The following ELMOD3 variants were observed in gnomAD, a reference collection of about 807,000 sequenced individuals.
The protein encoded by ELMOD3 is ELMO domain-containing protein 3.
Under a neutral mutation model 47.4 loss-of-function variants are expected in ELMOD3, and 36 were observed. The observed-to-expected ratio is 0.76, with a 90% CI of 0.58 to 1.00. The LOEUF is 1.00. Ranked by LOEUF, ELMOD3 falls within the 50% of genes least tolerant of loss-of-function variation. The pLI is 0.00. For missense variants in ELMOD3, 404 were observed against 463.8 expected, an observed-to-expected ratio of 0.87 and a Z score of 1.18; for synonymous variants, 149 against 183.5, an observed-to-expected ratio of 0.81 and a Z score of 1.52.
intron 7 of ELMOD3, among the ~76,000 whole-genome samples, chr2:85,369,075 G>A (rs934700406): frequency 5.9e-5 from 9 of 152,202 alleles, no homozygotes; most frequent in Non-Finnish European, 1.2e-4. Context: ...GGAGGATGGA[G>A]ATGGGCCCCT....
At chr2:85,390,480 T>G (rs1198220511) in intron 13 of ELMOD3, 7 of 1,613,328 alleles carry the variant, frequency 4.3e-6, no homozygotes, top group Non-Finnish European at 5.9e-6. Flanking sequence ...CTTATACTTA[T>G]GACAAGCATA....
intron 11 of ELMOD3, chr2:85,389,444 G>A (rs1686163879): frequency 2.4e-6 from 1 of 415,052 alleles, no homozygotes; most frequent in South Asian, 2.7e-5. Flanking sequence ...GCCAAGGAGA[G>A]CTGACGGGTC....
chr2:85,365,967 T>C (rs1227547268), intron 6 of ELMOD3, among the ~76,000 whole-genome samples: 1 of 149,770 alleles, frequency 6.7e-6, no homozygotes, highest in African/African-American at 2.5e-5. Context: ...CCCCAGTCCC[T>C]TTTTTTTTGA....
chr2:85,390,685 T>G (rs555796513), intron 13 of ELMOD3, 75 bp from the exon 14 acceptor site: 1 of 1,524,486 alleles, frequency 6.6e-7, no homozygotes, highest in Non-Finnish European at 8.8e-7. Flanking sequence ...CTAGAGCTGC[T>G]AGGCTTGAGG....
At chr2:85,357,887 A>G (rs960770509) in intron 4 of ELMOD3, among the ~76,000 whole-genome samples, 1 of 152,356 alleles carries the variant, frequency 6.6e-6, no homozygotes, top group South Asian at 2.1e-4. Context: ...GTTGTTCAGC[A>G]CAATGAATCA....
chr2:85,390,200 T>A lies in ELMOD3; in HGVS notation c.878T>A (p.Leu293His). 3 of 1,614,198 alleles carry A rather than the reference T, an allele frequency of 1.9e-6. No homozygotes were observed. Among genetic ancestry groups the A allele is most frequent in the Non-Finnish European group, 2.5e-6 (3 of 1,180,036 alleles). ...AACAGCTTCTATGCCGCCACATTCC[T>A]CCACCTCGCACATGTCTGGAGGACA... ...VVNSFYAATFLHLAHVWRTQR... is the reference protein window; with the variant it reads ...VVNSFYAATFHHLAHVWRTQR... The change falls in exon 13 of 14, where the codon CTC (leucine) becomes CAC (histidine). Residue 293 changes from leucine (L) to histidine (H), a missense_variant. Transcript: ENST00000409013.
intron 4 of ELMOD3, among the ~76,000 whole-genome samples, chr2:85,357,821 T>C (rs1573077012): frequency 6.6e-6 from 1 of 152,178 alleles, no homozygotes; most frequent in African/African-American, 2.4e-5. Context: ...GGGGACTGAA[T>C]TGGAGAAGGA....
chr2:85,389,935 C>T lies in ELMOD3; in HGVS notation c.815+108C>T, dbSNP rs56231819. ...ACTCCACCTGCTGGCTCCTGGAGGG[C>T]CTGGACAAAGTCCCCATGCACCGGT... On this transcript the variant is annotated intron_variant, in intron 12 of 13. Coordinates refer to ENST00000409013, the MANE Select transcript of ELMOD3 (RefSeq NM_001135022.2). The T allele has an allele frequency of 0.058, 67,942 of 1,179,966 alleles. 2,329 individuals carry two copies. The highest frequency in any genetic ancestry group is 0.067 in the Non-Finnish European group (53,147 of 792,678). The allele number at this position is 1,179,966 out of a possible 1,614,324, so 73.1% of individuals were successfully genotyped here.
At position 85,390,951 on chromosome 2, in the gene ELMOD3, T is replaced by C; in HGVS notation, c.1135T>C (p.Trp379Arg). The C allele has an allele frequency of 6.4e-7, 1 of 1,550,966 alleles. No homozygotes were observed. The highest frequency in any genetic ancestry group is 1.7e-4 in the Middle Eastern group (1 of 5,988). ...GCAGTCTCACTCATCCGAAGGCGTA[T>C]GGCTGATCTGACCTCCGAGATGAAT... is the stretch of plus-strand genomic sequence containing the variant. ...DLQSHSSEGV[W>R]LI Residue 379 changes from tryptophan to arginine, a missense_variant, in exon 14 of 14, where the codon TGG (tryptophan) becomes CGG (arginine). Transcript: ENST00000409013.
chr2:85,368,867 A>T (rs886081258), intron 7 of ELMOD3, 113 bp downstream of exon 7: 1 of 1,082,314 alleles, frequency 9.2e-7, no homozygotes. Flanking sequence ...AATTCCTGAG[A>T]GTGCTCATTT....
At chr2:85,367,916 CTTT>C (rs1202869090) in intron 6 of ELMOD3, among the ~76,000 whole-genome samples, 6 of 141,300 alleles carry the variant, frequency 4.2e-5, no homozygotes, top group African/African-American at 2.6e-5. Flanking sequence ...CTTTTCTTTT[CTTT>C]TTTTTTTTTT....
At chr2:85,362,366 C>T (rs1011882366) in intron 5 of ELMOD3, 106 bp downstream of exon 5, 8 of 768,928 alleles carry the variant, frequency 1.0e-5, no homozygotes, top group Non-Finnish European at 1.9e-5. Context: ...GTGGCATAGA[C>T]CTTAGCTTCC....
chr2:85,390,320 G>C, intron 13 of ELMOD3, 55 bp downstream of exon 13: 1 of 1,614,142 alleles, frequency 6.2e-7, no homozygotes, highest in South Asian at 1.1e-5. Flanking sequence ...CCCAGGTCCA[G>C]AGAGCCCAAG....
At chr2:85,364,138 C>CTTTTTTTTTTTTTTTTTTTT (rs869156957) in intron 6 of ELMOD3, among the ~76,000 whole-genome samples, 1 of 118,752 alleles carries the variant, frequency 8.4e-6, no homozygotes. Flanking sequence ...AAAAAATACT[C>CTTTTTTTTTTTTTTTTTTTT]TTTTTTTTTT....
chr2:85,375,082 CAA>C (rs777757339), intron 10 of ELMOD3, among the ~76,000 whole-genome samples: 2 of 135,112 alleles, frequency 1.5e-5, no homozygotes. Context: ...GATTCCATCT[CAA>C]AAAAAAAAAA....
intron 6 of ELMOD3, chr2:85,367,535 T>C (rs61634855): frequency 0.096 from 14,687 of 152,224 alleles, 756 homozygotes; most frequent in South Asian, 0.16. Flanking sequence ...TGAACTTCCA[T>C]CCCAATAAAC....
At chr2:85,365,577 T>C (rs1684328367) in intron 6 of ELMOD3, among the ~76,000 whole-genome samples, 2 of 152,118 alleles carry the variant, frequency 1.3e-5, no homozygotes, top group South Asian at 4.1e-4. Context: ...GGGAAAACAG[T>C]ATTTATGTCA....
Position 85,390,226 on chromosome 2 carries a change from C to G in ELMOD3, c.904C>G (p.Gln302Glu), listed in dbSNP as rs1686243039. The G allele has an allele frequency of 2.5e-6, 4 of 1,614,188 alleles. No homozygotes were observed. Among genetic ancestry groups the G allele is most frequent in the Non-Finnish European group, 2.5e-6 (3 of 1,180,028 alleles). Residue 302 changes from glutamine (Q) to glutamate (E), a missense_variant, in exon 13 of 14, where the codon CAG (glutamine) becomes GAG (glutamate). Coordinates refer to ENST00000409013, the MANE Select transcript of ELMOD3 (RefSeq NM_001135022.2). ...CCACCTCGCACATGTCTGGAGGACA[C>G]AGCGGAAGACCATCTCAGACTCGGG... ...FLHLAHVWRT[Q>E]RKTISDSGFV...
chr2:85,380,334 C>G (rs1319539846), intron 11 of ELMOD3, among the ~76,000 whole-genome samples: 1 of 152,110 alleles, frequency 6.6e-6, no homozygotes, highest in African/African-American at 2.4e-5. Flanking sequence ...AAAGGATCAG[C>G]AACGTTTTAA....
Sources: allele counts gnomAD v4.1 joint callset (sites outside exome capture counted in the v4.1 genomes callset), GRCh38; gene constraint gnomAD v4.1.1; transcripts MANE v1.5; gene names NCBI Gene and HGNC (gene_info 2026-07-23, HGNC 2026-07-21).